The following EYS variants were observed in gnomAD, a reference collection of about 807,000 sequenced individuals.
EYS encodes the protein protein eyes shut homolog.
Under a neutral mutation model 282.1 loss-of-function variants are expected in EYS, and 250 were observed. The ratio of observed to expected loss-of-function variants is 0.89; its 90% CI spans 0.80 to 0.98. The LOEUF is 0.98. Among genes scored for constraint, EYS ranks in the 50% least tolerant of loss-of-function variants. The probability of loss-of-function intolerance (pLI) is 0.00; values close to 1 mark genes in which losing one functional copy is unlikely to be tolerated. For synonymous variants in EYS, 1,355 were observed against 1,282.9 expected (o/e 1.06, Z -1.20); for missense variants, 4,016 against 3,709.0 (o/e 1.08, Z -2.15).
chr6:64,372,160 T>TTTTTTTTTG (rs1772400532), intron 29 of EYS, among the ~76,000 whole-genome samples: 1 of 94,230 alleles, frequency 1.1e-5, no homozygotes, highest in African/African-American at 3.8e-5. Flanking sequence ...TTTTTTTTTT[T>TTTTTTTTTG]GTAGTGGCCA....
At chr6:64,616,176 C>G (rs9345306) in intron 24 of EYS, among the ~76,000 whole-genome samples, 2,244 of 152,114 alleles carry the variant, frequency 0.015, 44 homozygotes, top group East Asian at 0.097. Flanking sequence ...TGGCAGAAGA[C>G]ATAGTTAAAT....
At chr6:64,045,442 T>TTTTATTTTATTTTATTTTATTTTA in intron 33 of EYS, among the ~76,000 whole-genome samples, 1 of 124,362 alleles carries the variant, frequency 8.0e-6, no homozygotes, top group African/African-American at 2.8e-5. Context: ...ATTTTATTTA[T>TTTTATTTTATTTTATTTTATTTTA]TTTATTTTAT....
chr6:64,816,340 C>G lies in EYS; in HGVS notation c.3244-2763G>C, dbSNP rs867160705. Among the ~76,000 whole-genome samples the G allele has an allele frequency of 3.3e-5, 5 of 152,200 alleles. No individual in the cohort carries two copies. The Middle Eastern group carries it at 0.01, about 311-fold the overall frequency. On this transcript the variant is annotated intron_variant, in intron 21 of 42. Transcript: ENST00000503581. ...ATCTCATTAATTATATGGGCTTTTA[C>G]TTTGCAAGCTGCAGGATTGGGCAAT... is the stretch of plus-strand genomic sequence containing the variant.
chr6:65,614,899 C>T (rs7758595), intron 2 of EYS, among the ~76,000 whole-genome samples: 54,229 of 151,876 alleles, frequency 0.36, 12,073 homozygotes, highest in Non-Finnish European at 0.49. Context: ...GACATAAACA[C>T]ATACATGCAT....
chr6:65,558,886 T>A (rs1157245717), intron 2 of EYS, among the ~76,000 whole-genome samples: 1 of 152,146 alleles, frequency 6.6e-6, no homozygotes, highest in African/African-American at 2.4e-5. Flanking sequence ...CCTCACCATA[T>A]CCTAGTTTCC....
chr6:64,316,151 C>T (rs1184869006), intron 29 of EYS, among the ~76,000 whole-genome samples: 4 of 152,128 alleles, frequency 2.6e-5, no homozygotes, highest in Non-Finnish European at 5.9e-5. Flanking sequence ...CCTTTGAGAA[C>T]CGGCACAAGA....
Position 64,416,104 on chromosome 6 carries a change from C to A in EYS, c.5927+20070G>T, listed in dbSNP as rs184004980. 8.0e-4 allele frequency among the ~76,000 whole-genome samples: 122 copies of A among 152,218 alleles called. 1 individual carries two copies. On this transcript the variant is annotated intron_variant, in intron 28 of 42. Coordinates refer to ENST00000503581, the MANE Select transcript of EYS (RefSeq NM_001142800.2). Reference sequence around the variant, plus strand: ...GAATTGGAGGCAGATTTTTTGGCTACCTTCGCACATGAATTTCTTCAGAGT... The same window carrying A: ...GAATTGGAGGCAGATTTTTTGGCTAACTTCGCACATGAATTTCTTCAGAGT...
At chr6:65,606,206 A>T (rs968863830) in intron 2 of EYS, among the ~76,000 whole-genome samples, 1 of 149,764 alleles carries the variant, frequency 6.7e-6, no homozygotes, top group Non-Finnish European at 1.5e-5. Flanking sequence ...CCAGTATTCA[A>T]AAATAGTTTT....
Position 65,057,711 on chromosome 6 carries a change from A to C in EYS, c.2040T>G (p.Ile680Met), listed in dbSNP as rs1773458018. 1.3e-6 allele frequency: 2 copies of C among 1,548,906 alleles called. No individual in the cohort carries two copies. Among genetic ancestry groups the C allele is most frequent in the South Asian group, 1.2e-5 (1 of 83,978 alleles). ...GATGTGAAGCACACTCATCTATATC[A>C]ATTTCACATTGCGTACCTTTGGAAA... ...VPGFKGTQCE[I>M]DIDECASHPC... Residue 680 changes from isoleucine (I) to methionine (M), a missense_variant, in exon 13 of 43, where the codon ATT (isoleucine) becomes ATG (methionine). Physicochemically the swap from Ile to Met is conservative, Grantham distance 10 (BLOSUM62 1). Coordinates refer to ENST00000503581, the MANE Select transcript of EYS (RefSeq NM_001142800.2).
intron 29 of EYS, among the ~76,000 whole-genome samples, chr6:64,315,449 C>A (rs1358218072): frequency 6.6e-6 from 1 of 151,992 alleles, no homozygotes; most frequent in African/African-American, 2.4e-5. Context: ...CAAAACCTGG[C>A]AGAGACACAT....
At chr6:64,608,464 T>C (rs992640881) in intron 24 of EYS, among the ~76,000 whole-genome samples, 1 of 152,196 alleles carries the variant, frequency 6.6e-6, no homozygotes, top group African/African-American at 2.4e-5. Context: ...GCCTAATTTC[T>C]TGTGCGAATG....
intron 1 of EYS, among the ~76,000 whole-genome samples, chr6:65,648,057 A>C (rs1310516530): frequency 6.6e-6 from 1 of 152,154 alleles, no homozygotes; most frequent in Admixed American, 6.5e-5. Context: ...GGTGAAAAGG[A>C]AACACTTTTA....
At chr6:64,372,236 G>A (rs1772405995) in intron 29 of EYS, among the ~76,000 whole-genome samples, 1 of 148,572 alleles carries the variant, frequency 6.7e-6, no homozygotes. Flanking sequence ...AGGTCTGGTG[G>A]TAAAAAATTC....
In EYS at chr6:64,475,467, C is replaced by T. The variant is rs1186448551; in HGVS notation, c.5645-36115G>A. On this transcript the variant is annotated intron_variant, in intron 26 of 42. Coordinates refer to ENST00000503581, the MANE Select transcript of EYS (RefSeq NM_001142800.2). ...TTGGGAGGCTGAGGCAGGAGAATGG[C>T]GTGAACCCGGGAGGCGGAGCTTGCA... Among the ~76,000 whole-genome samples the T allele has an allele frequency of 2.7e-5, 3 of 110,794 alleles. 1 individual carries two copies. The highest frequency in any genetic ancestry group is 3.8e-5 in the Non-Finnish European group (2 of 53,074). 72.7% of individuals were successfully genotyped at this position (110,794 alleles called of 152,430 possible).
At chr6:65,638,163 A>G (rs1004451016) in intron 2 of EYS, among the ~76,000 whole-genome samples, 5 of 152,154 alleles carry the variant, frequency 3.3e-5, no homozygotes, top group African/African-American at 1.2e-4. Context: ...CAGGACTACC[A>G]GCTGTGGGAA....
chr6:65,266,497 T>A (rs1188954322), intron 12 of EYS, among the ~76,000 whole-genome samples: 2 of 151,926 alleles, frequency 1.3e-5, no homozygotes, highest in African/African-American at 4.8e-5. Context: ...AATGAATGAA[T>A]GAATGGATGA....
Position 65,375,281 on chromosome 6 carries a change from G to T in EYS, c.1299+9105C>A, listed in dbSNP as rs1765319260. On this transcript the variant is annotated intron_variant, in intron 8 of 42. Coordinates refer to ENST00000503581, the MANE Select transcript of EYS (RefSeq NM_001142800.2). ...ACCTCCAGCAAACTGCAGCAGACCT[G>T]CAGAAGAGGGGCCTGACCATCAGAA... Among the ~76,000 whole-genome samples the T allele has an allele frequency of 5.3e-5, 8 of 152,276 alleles. No homozygotes were observed. In the South Asian group the frequency reaches 1.7e-3, roughly 32 times the overall value.
At chr6:65,447,243 T>C (rs1452032307) in intron 5 of EYS, among the ~76,000 whole-genome samples, 1 of 150,338 alleles carries the variant, frequency 6.7e-6, no homozygotes, top group East Asian at 1.9e-4. Context: ...GGTACCAATA[T>C]TGGCTTTTCT....
chr6:64,103,106 A>G (rs1240386348), intron 31 of EYS, among the ~76,000 whole-genome samples: 1 of 152,180 alleles, frequency 6.6e-6, no homozygotes, highest in Non-Finnish European at 1.5e-5. Flanking sequence ...TAAAGCCTGG[A>G]TGATGATAGA....
Sources: gnomAD v4.1 joint callset for allele counts (sites outside exome capture counted in the v4.1 genomes callset) on GRCh38, gnomAD v4.1.1 for gene constraint, MANE v1.5 for transcripts, NCBI Gene and HGNC (gene_info 2026-07-23, HGNC 2026-07-21) for gene names.